TRIM59: variants seen among roughly 807,000 people sequenced by gnomAD.
The protein encoded by TRIM59 is tripartite motif containing 59.
TRIM59 carries 14 observed loss-of-function variants against 32.2 expected under a neutral mutation model. That is an observed-to-expected ratio of 0.43 (90% confidence interval 0.29 to 0.68). The LOEUF is 0.68. TRIM59 is among the 30% of genes least tolerant of loss of function. The probability of loss-of-function intolerance (pLI) is 0.15; values close to 1 mark genes in which losing one functional copy is unlikely to be tolerated. For missense variants in TRIM59, 471 were observed against 463.3 expected, an observed-to-expected ratio of 1.02 and a Z score of -0.15; for synonymous variants, 163 against 155.1, an observed-to-expected ratio of 1.05 and a Z score of -0.38.
At chr3:160,449,649 T>C in intron 1 of TRIM59, 68 bp downstream of exon 1, 1 of 1,289,922 alleles carries the variant, frequency 7.8e-7, no homozygotes, top group East Asian at 5.6e-5. Context: ...CACACCAGAC[T>C]GTGCTACAGG....
chr3:160,447,941 A>G (rs1719618087), intron 2 of TRIM59: 1 of 152,226 alleles, frequency 6.6e-6, no homozygotes, highest in African/African-American at 2.4e-5. Flanking sequence ...TTTTAACATT[A>G]TCGCAGAAAG....
At position 160,438,903 on chromosome 3, in the gene TRIM59, A is replaced by G. The variant is rs771541438; in HGVS notation, c.281T>C (p.Ile94Thr). ...EKYQQEDHPD[I>T]VTCPEHYRQP... ...CCTGTAATGTTCAGGGCAGGTGACA[A>G]TATCTGGATGGTCTTCTTGCTGGTA... Residue 94 changes from isoleucine to threonine, a missense_variant, in exon 3 of 3, where the codon ATT (isoleucine) becomes ACT (threonine). Coordinates refer to ENST00000309784, the MANE Select transcript of TRIM59 (RefSeq NM_173084.3). 9.3e-6 allele frequency: 15 copies of G among 1,613,996 alleles called. No homozygotes were observed. In the African/African-American group the frequency reaches 1.7e-4, roughly 19 times the overall value.
At chr3:160,445,401 C>T (rs898009255) in intron 2 of TRIM59, among the ~76,000 whole-genome samples, 8 of 151,874 alleles carry the variant, frequency 5.3e-5, no homozygotes, top group African/African-American at 1.9e-4. Flanking sequence ...CCAGCCTAGA[C>T]TACAGAGCCA....
intron 2 of TRIM59, among the ~76,000 whole-genome samples, chr3:160,445,013 A>G (rs1328660457): frequency 6.6e-6 from 1 of 151,570 alleles, no homozygotes; most frequent in Non-Finnish European, 1.5e-5. Flanking sequence ...CTACAGAGCT[A>G]AAAAAAAATT....
chr3:160,441,504 C>T (rs1048548696), intron 2 of TRIM59, among the ~76,000 whole-genome samples: 4 of 151,868 alleles, frequency 2.6e-5, no homozygotes, highest in Non-Finnish European at 4.4e-5. Flanking sequence ...CTGTAATCTC[C>T]GCACTTTGGG....
Position 160,438,185 on chromosome 3 carries a change from A to G in TRIM59, c.999T>C (p.Val333=). The G allele has an allele frequency of 6.2e-7, 1 of 1,613,148 alleles. No homozygotes were observed. The highest frequency in any genetic ancestry group is 1.1e-5 in the South Asian group (1 of 90,852). Residue 333 remains valine, a synonymous_variant, in exon 3 of 3, where the codon GTT becomes GTC. Transcript: ENST00000309784. ...GTATTACTGAAATTAATGTAACTAC[A>G]ACAATGTTTAAAATTTTTAAAAATT... ...EVEFLKILNI[V]VVTLISVILM...
chr3:160,449,637 G>A (rs1324540948), intron 1 of TRIM59, 80 bp downstream of exon 1: 2 of 1,289,590 alleles, frequency 1.6e-6, no homozygotes, highest in South Asian at 1.2e-5. Flanking sequence ...CAACACACTA[G>A]GCACACCAGA....
intron 2 of TRIM59, among the ~76,000 whole-genome samples, chr3:160,445,419 T>C (rs1172071181): frequency 1.3e-5 from 2 of 151,536 alleles, no homozygotes; most frequent in Non-Finnish European, 2.9e-5. Flanking sequence ...CCACACTTTG[T>C]CTCAAAAAAT....
At chr3:160,445,438 A>G (rs1352346264) in intron 2 of TRIM59, among the ~76,000 whole-genome samples, 1 of 152,036 alleles carries the variant, frequency 6.6e-6, no homozygotes, top group African/African-American at 2.4e-5. Flanking sequence ...ATAAAAAAAG[A>G]ATAAAGATAA....
At chr3:160,447,376 T>A (rs1719590932) in intron 2 of TRIM59, among the ~76,000 whole-genome samples, 1 of 152,188 alleles carries the variant, frequency 6.6e-6, no homozygotes. Context: ...AAAAAATGAA[T>A]CTTCTCAGAA....
chr3:160,437,825 G>A lies in TRIM59; in HGVS notation c.*147C>T. The A allele has an allele frequency of 7.8e-7, 1 of 1,279,658 alleles. No individual in the cohort carries two copies. The highest frequency in any genetic ancestry group is 3.0e-5 in the East Asian group (1 of 33,398). The allele number at this position is 1,279,658 out of a possible 1,614,324, so 79.3% of individuals were successfully genotyped here. On this transcript the variant is annotated 3_prime_UTR_variant, in exon 3 of 3. Coordinates refer to ENST00000309784, the MANE Select transcript of TRIM59 (RefSeq NM_173084.3). ...TCAGATATAACTTTGACATATCATT[G>A]CTAACCAAAAGAAGCAACAAATATA... is the stretch of plus-strand genomic sequence containing the variant.
intron 2 of TRIM59, among the ~76,000 whole-genome samples, chr3:160,448,303 C>A (rs547470069): frequency 6.6e-6 from 1 of 152,300 alleles, no homozygotes; most frequent in South Asian, 2.1e-4. Flanking sequence ...AAACTAACAT[C>A]ACCTAAAATC....
rs555593021 is a variant in TRIM59, at chr3:160,438,345, C to T, written c.839G>A (p.Arg280Gln). The stretch of plus-strand genomic sequence containing the variant: ...TTCTTCTTTCAATATTTTGCTTACT[C>T]GAGGATAAATTTCAACGGGTTGAAC... ...PEVQPVEIYP[R>Q]VSKILKEEWS... Residue 280 changes from arginine (R) to glutamine (Q), a missense_variant, in exon 3 of 3, where the codon CGA (arginine) becomes CAA (glutamine). Coordinates refer to ENST00000309784, the MANE Select transcript of TRIM59 (RefSeq NM_173084.3). The T allele has an allele frequency of 3.1e-6, 5 of 1,613,422 alleles. No homozygotes were observed. The highest frequency in any genetic ancestry group is 1.3e-5 in the African/African-American group (1 of 74,974).
Position 160,438,099 on chromosome 3 carries a change from AT to A in TRIM59, c.1084del (p.Ile362TyrfsTer21). Reference protein sequence around the residue: ...IITFLSEITLIWFSEASLSVY... With the variant: ...IITFLSEITLXWFSEASLSVY... ...AGATAGAGAGGCTTCAGAAAACCAT[AT>A]TAAAGTGATTTCACTTAAAAAGGTT... is the stretch of plus-strand genomic sequence containing the variant. On this transcript the variant is annotated frameshift_variant, in exon 3 of 3. Coordinates refer to ENST00000309784, the MANE Select transcript of TRIM59 (RefSeq NM_173084.3). LOFTEE classifies it high-confidence loss of function. 1.2e-6 allele frequency: 2 copies of A among 1,612,862 alleles called. No homozygotes were observed. Among genetic ancestry groups the A allele is most frequent in the Non-Finnish European group, 1.7e-6 (2 of 1,179,656 alleles).
At position 160,438,270 on chromosome 3, in the gene TRIM59, A is replaced by G. The variant is rs1719078982; in HGVS notation, c.914T>C (p.Met305Thr). ...GQIKNVLIPK[M>T]KISPKRMSCS... ...TGACATCCTTTTTGGAGAAATTTTCATTTTGGGAATGAGAACGTTCTTAAT... is the reference window on the plus strand; with the variant it reads ...TGACATCCTTTTTGGAGAAATTTTCGTTTTGGGAATGAGAACGTTCTTAAT... Residue 305 changes from methionine (M) to threonine (T), a missense_variant, in exon 3 of 3, where the codon ATG becomes ACG. Met to Thr is a moderately conservative substitution (Grantham distance 81). Transcript: ENST00000309784. 3 of 1,613,750 alleles carry G rather than the reference A, an allele frequency of 1.9e-6. No individual in the cohort carries two copies. The highest frequency in any genetic ancestry group is 1.7e-6 in the Non-Finnish European group (2 of 1,179,948).
At position 160,437,119 on chromosome 3, in the gene TRIM59, A is replaced by G. The variant is rs1719016447; in HGVS notation, c.*853T>C. The G allele has an allele frequency of 3.2e-6, 3 of 944,336 alleles. No individual in the cohort carries two copies. The highest frequency in any genetic ancestry group is 3.8e-6 in the Non-Finnish European group (3 of 792,528). 58.5% of individuals were successfully genotyped at this position (944,336 alleles called of 1,614,324 possible). ...GTAATCCCAGCACTTTGGGAGGCCAAGGTGGGCAGATCTCTTGAGCCCAGA... is the reference window on the plus strand; with the variant it reads ...GTAATCCCAGCACTTTGGGAGGCCAGGGTGGGCAGATCTCTTGAGCCCAGA... On this transcript the variant is annotated 3_prime_UTR_variant, in exon 3 of 3. Transcript: ENST00000309784.
In TRIM59 at chr3:160,436,026, G is replaced by C; in HGVS notation, c.*1946C>G. On this transcript the variant is annotated 3_prime_UTR_variant, in exon 3 of 3. Coordinates refer to ENST00000309784, the MANE Select transcript of TRIM59 (RefSeq NM_173084.3). ...TTTTATGGTGTGACTAGTATTTTAA[G>C]TAATCAGTGCAACTTAGTATTTTTA... 1 of 1,218,588 alleles carries C rather than the reference G, an allele frequency of 8.2e-7. No homozygotes were observed. Among genetic ancestry groups the C allele is most frequent in the Non-Finnish European group, 1.0e-6 (1 of 956,816 alleles). The allele number at this position is 1,218,588 out of a possible 1,614,324, so 75.5% of individuals were successfully genotyped here. A position where few individuals can be genotyped will look rare whatever the true frequency, so the allele number is the denominator to read the frequency against.
rs371304886 is a variant in TRIM59, at chr3:160,438,706, G to A, written c.478C>T (p.Leu160Phe). The A allele has an allele frequency of 4.6e-5, 75 of 1,613,794 alleles. No individual in the cohort carries two copies. The African/African-American group carries it at 9.6e-4, about 21-fold the overall frequency. ...EQLTDTHWTD[L>F]THLIEKLKEQ... is the part of the protein sequence containing the mutation. ...TTCAGCTTTTCAATAAGATGGGTAAGATCTGTCCAGTGTGTGTCAGTCAAC... is the reference window on the plus strand; with the variant it reads ...TTCAGCTTTTCAATAAGATGGGTAAAATCTGTCCAGTGTGTGTCAGTCAAC... The change falls in exon 3 of 3, where the codon CTT (leucine) becomes TTT (phenylalanine). Residue 160 changes from leucine to phenylalanine, a missense_variant. Transcript: ENST00000309784.
intron 1 of TRIM59, 123 bp downstream of exon 1, chr3:160,449,594 C>G: frequency 7.8e-7 from 1 of 1,289,504 alleles, no homozygotes; most frequent in Non-Finnish European, 1.0e-6. Flanking sequence ...CCAAGCCACT[C>G]CCTCCATCGT....
Sources: gnomAD v4.1 joint callset for allele counts (sites outside exome capture counted in the v4.1 genomes callset) on GRCh38, gnomAD v4.1.1 for gene constraint, MANE v1.5 for transcripts, NCBI Gene and HGNC (gene_info 2026-07-23, HGNC 2026-07-21) for gene names.